The following CSMD1 variants were observed in gnomAD, a reference collection of about 807,000 sequenced individuals.
CSMD1 encodes the protein CUB and Sushi multiple domains 1, also known as CUB and sushi domain-containing protein 1.
CSMD1 carries 213 observed loss-of-function variants against 417.5 expected under a neutral mutation model. That is an observed-to-expected ratio of 0.51 (90% confidence interval 0.46 to 0.57). The LOEUF (loss-of-function observed/expected upper bound fraction) is 0.57, where lower values mean the gene tolerates loss of function less well. Among genes scored for constraint, CSMD1 ranks in the 20% least tolerant of loss-of-function variants. The pLI is 0.00. For synonymous variants in CSMD1, 2,862 were observed against 1,736.8 expected (o/e 1.65, Z -16.11); for missense variants, 6,923 against 4,529.7 (o/e 1.53, Z -15.17).
At chr8:4,415,589 G>T (rs1796890133) in intron 3 of CSMD1, among the ~76,000 whole-genome samples, 1 of 152,116 alleles carries the variant, frequency 6.6e-6, no homozygotes, top group Non-Finnish European at 1.5e-5. Context: ...CTGTTTGATT[G>T]TTTCATTCTC....
At chr8:3,001,999 G>A (rs1200130905) in intron 52 of CSMD1, among the ~76,000 whole-genome samples, 1 of 152,168 alleles carries the variant, frequency 6.6e-6, no homozygotes, top group East Asian at 1.9e-4. Context: ...AGGTAACATT[G>A]CAGAGGAGAG....
At chr8:3,076,208 C>A (rs35695895) in intron 49 of CSMD1, among the ~76,000 whole-genome samples, 1 of 152,064 alleles carries the variant, frequency 6.6e-6, no homozygotes, top group Non-Finnish European at 1.5e-5. Context: ...CAGGTGTCGG[C>A]GGGGCTGGTT....
chr8:4,388,752 T>G (rs1803641606), intron 3 of CSMD1, among the ~76,000 whole-genome samples: 1 of 152,036 alleles, frequency 6.6e-6, no homozygotes, highest in Non-Finnish European at 1.5e-5. Flanking sequence ...AAAGTAAAAA[T>G]AAAATAAAAC....
intron 12 of CSMD1, among the ~76,000 whole-genome samples, chr8:3,455,100 G>A (rs920563775): frequency 4.6e-5 from 7 of 152,052 alleles, no homozygotes; most frequent in South Asian, 2.1e-4. Flanking sequence ...TCTATCGATC[G>A]AATCGGCTAC....
intron 6 of CSMD1, among the ~76,000 whole-genome samples, chr8:3,737,500 G>C (rs1796584167): frequency 6.6e-6 from 1 of 152,162 alleles, no homozygotes; most frequent in Non-Finnish European, 1.5e-5. Flanking sequence ...AAATTTCTCT[G>C]TTGAACATTT....
At chr8:3,955,734 G>A (rs370244040) in intron 5 of CSMD1, among the ~76,000 whole-genome samples, 3 of 103,016 alleles carry the variant, frequency 2.9e-5, no homozygotes, top group Admixed American at 2.6e-4. Context: ...ACTGCCTCAA[G>A]TAAGAAAAAA....
At chr8:3,588,317 TAAAG>T (rs1314049077) in intron 8 of CSMD1, among the ~76,000 whole-genome samples, 20 of 49,252 alleles carry the variant, frequency 4.1e-4, no homozygotes, top group Non-Finnish European at 8.5e-4. Flanking sequence ...AAACCAAACA[TAAAG>T]AAAACAAAAA....
At chr8:3,493,231 T>G (rs1052039392) in intron 11 of CSMD1, among the ~76,000 whole-genome samples, 1 of 145,506 alleles carries the variant, frequency 6.9e-6, no homozygotes, top group Non-Finnish European at 1.5e-5. Flanking sequence ...GAGGCGGAGG[T>G]TGCAGTGAGC....
At chr8:3,308,180 G>C in intron 24 of CSMD1, 132 bp downstream of exon 24, 1 of 707,284 alleles carries the variant, frequency 1.4e-6, no homozygotes, top group Non-Finnish European at 2.3e-6. Flanking sequence ...GCAAATCTCA[G>C]AATACATAAA....
intron 1 of CSMD1, among the ~76,000 whole-genome samples, chr8:4,643,549 A>G (rs1163497999): frequency 1.3e-5 from 2 of 152,196 alleles, no homozygotes; most frequent in Non-Finnish European, 2.9e-5. Context: ...AATATAAAAT[A>G]AAATGGTCCA....
At chr8:3,629,813 A>AT (rs1471171090) in intron 7 of CSMD1, among the ~76,000 whole-genome samples, 6 of 152,236 alleles carry the variant, frequency 3.9e-5, no homozygotes, top group African/African-American at 1.2e-4. Flanking sequence ...TAAAAGACAT[A>AT]ACTTCGGTCC....
At chr8:4,843,364 T>A (rs1161874148) in intron 1 of CSMD1, among the ~76,000 whole-genome samples, 2 of 152,174 alleles carry the variant, frequency 1.3e-5, no homozygotes, top group Admixed American at 1.3e-4. Flanking sequence ...ATATATACCT[T>A]AGGGATGATT....
At chr8:4,645,007 C>A (rs1455611772) in intron 1 of CSMD1, among the ~76,000 whole-genome samples, 1 of 152,146 alleles carries the variant, frequency 6.6e-6, no homozygotes, top group African/African-American at 2.4e-5. Context: ...AACTATAAAT[C>A]TATATTCTGG....
chr8:3,840,421 T>C (rs73658300), intron 5 of CSMD1, among the ~76,000 whole-genome samples: 1 of 152,266 alleles, frequency 6.6e-6, no homozygotes, highest in East Asian at 1.9e-4. Flanking sequence ...ACGTTGTACT[T>C]TATTTTATTG....
chr8:4,220,510 C>G (rs1015558481), intron 3 of CSMD1, among the ~76,000 whole-genome samples: 1 of 152,128 alleles, frequency 6.6e-6, no homozygotes, highest in Non-Finnish European at 1.5e-5. Flanking sequence ...AATATCTAAT[C>G]CTAGTGCAAG....
At chr8:3,835,911 A>C (rs1802666446) in intron 5 of CSMD1, among the ~76,000 whole-genome samples, 1 of 152,028 alleles carries the variant, frequency 6.6e-6, no homozygotes, top group South Asian at 2.1e-4. Flanking sequence ...ACTTTTTTCA[A>C]CATATTTTCT....
intron 18 of CSMD1, among the ~76,000 whole-genome samples, chr8:3,370,563 G>A (rs1809882395): frequency 2.0e-5 from 3 of 152,252 alleles, no homozygotes; most frequent in Admixed American, 2.0e-4. Context: ...GGCCGGTCAT[G>A]TCTGTGAGGG....
At chr8:4,206,023 T>C (rs1339797693) in intron 3 of CSMD1, among the ~76,000 whole-genome samples, 1 of 152,120 alleles carries the variant, frequency 6.6e-6, no homozygotes, top group Non-Finnish European at 1.5e-5. Context: ...AACTACATAG[T>C]TCCTCCCCAT....
chr8:4,896,808 A>C (rs1467359308), intron 1 of CSMD1, among the ~76,000 whole-genome samples: 1 of 151,804 alleles, frequency 6.6e-6, no homozygotes, highest in African/African-American at 2.4e-5. Context: ...GGGCGGGGGG[A>C]AGTGCAGGGC....
Sources: gnomAD v4.1 joint callset for allele counts (sites outside exome capture counted in the v4.1 genomes callset) on GRCh38, gnomAD v4.1.1 for gene constraint, MANE v1.5 for transcripts, NCBI Gene and HGNC (gene_info 2026-07-23, HGNC 2026-07-21) for gene names.